The following TSPAN32 variants were observed in gnomAD, a reference collection of about 807,000 sequenced individuals.
The protein encoded by TSPAN32 is tetraspanin-32.
TSPAN32 carries 47 observed loss-of-function variants against 42.7 expected under a neutral mutation model. That is an observed-to-expected ratio of 1.10 (90% CI 0.87 to 1.40). The LOEUF (loss-of-function observed/expected upper bound fraction) is 1.40. Ranked by LOEUF, TSPAN32 falls within the 40% of genes most tolerant of loss-of-function variation. TSPAN32 has a pLI of 0.00. For missense variants in TSPAN32, 469 were observed against 424.1 expected, an observed-to-expected ratio of 1.11 and a Z score of -0.93; for synonymous variants, 175 against 175.9, an observed-to-expected ratio of 0.99 and a Z score of 0.04.
At chr11:2,303,583 T>TG (rs1241624437) in intron 2 of TSPAN32, 2 of 164,672 alleles carry the variant, frequency 1.2e-5, no homozygotes, top group African/African-American at 4.8e-5. Flanking sequence ...TGCAGCCCGG[T>TG]GGGCAGATGT....
In TSPAN32 at chr11:2,318,027, G is replaced by A. The variant is rs772548532; in HGVS notation, c.*103G>A. The A allele has an allele frequency of 3.1e-6, 2 of 642,996 alleles. No homozygotes were observed. The highest frequency in any genetic ancestry group is 5.6e-6 in the Non-Finnish European group (2 of 358,306). The allele number at this position is 642,996 out of a possible 1,614,324, so 39.8% of individuals were successfully genotyped here. On this transcript the variant is annotated 3_prime_UTR_variant, in exon 10 of 10. Coordinates refer to ENST00000182290, the MANE Select transcript of TSPAN32 (RefSeq NM_139022.3). This position sits in a 1 kb window ranked among gnomAD's most constrained non-coding sequence, Gnocchi z 4.2. ...ACAAGTCAACTCCTCATGGCTGTAG[G>A]ACTGAGGTTCCCAAGTCCTTGTCCC... is the stretch of plus-strand genomic sequence containing the variant.
At chr11:2,315,793 G>T (rs954374897) in intron 6 of TSPAN32, 1 of 1,307,526 alleles carries the variant, frequency 7.6e-7, no homozygotes, top group Non-Finnish European at 1.0e-6. Context: ...CTGGGACTGT[G>T]CGGGGACCCC....
rs569200628 is a variant in TSPAN32, at chr11:2,304,019, C to T, written c.182-88C>T. On this transcript the variant is annotated intron_variant, in intron 2 of 9. Transcript: ENST00000182290. The surrounding 1 kb of genome is among the most constrained non-coding windows in gnomAD (Gnocchi z 4.8). ...CCCAGGAGTCCCTCACGGCCCCTGA[C>T]TCCCAAGTTAGATTTCACACCCAGG... is the stretch of plus-strand genomic sequence containing the variant. The T allele has an allele frequency of 2.0e-4, 209 of 1,034,386 alleles. No individual in the cohort carries two copies. The highest frequency in any genetic ancestry group is 7.0e-4 in the Admixed American group (34 of 48,392). 64.1% of individuals were successfully genotyped at this position (1,034,386 alleles called of 1,614,324 possible).
At chr11:2,311,253 G>A (rs1420856786) in intron 4 of TSPAN32, among the ~76,000 whole-genome samples, 1 of 152,170 alleles carries the variant, frequency 6.6e-6, no homozygotes, top group African/African-American at 2.4e-5. Flanking sequence ...TGAAAGTGGG[G>A]TGCCCCTCCA....
Position 2,313,650 on chromosome 11 carries a change from G to A in TSPAN32, c.355-4G>A, listed in dbSNP as rs1848605924. 1 of 1,599,932 alleles carries A rather than the reference G, an allele frequency of 6.3e-7. No homozygotes were observed. The highest frequency in any genetic ancestry group is 1.1e-5 in the South Asian group (1 of 88,466). On this transcript the variant is annotated splice_polypyrimidine_tract_variant and splice_region_variant and intron_variant, in intron 4 of 9. Transcript: ENST00000182290. This position sits in a 1 kb window ranked among gnomAD's most constrained non-coding sequence, Gnocchi z 9.1. ...CAGGACCTCCCTGTGGTCTCTCGGT[G>A]CAGGTGGAGGACGCCATGCTGGACA...
Position 2,317,005 on chromosome 11 carries a change from G to A in TSPAN32, c.719+338G>A, listed in dbSNP as rs1308114400. Among the ~76,000 whole-genome samples the A allele has an allele frequency of 1.3e-5, 2 of 151,934 alleles. No individual in the cohort carries two copies. The highest frequency in any genetic ancestry group is 4.8e-5 in the African/African-American group (2 of 41,336). On this transcript the variant is annotated intron_variant, in intron 8 of 9. Transcript: ENST00000182290. This position sits in a 1 kb window ranked among gnomAD's most constrained non-coding sequence, Gnocchi z 6.2. ...ATACCCCAGAGCTCCTCATGCTTAG[G>A]GGGCAGGGAGGGTCCAACCCACAGC... is the stretch of plus-strand genomic sequence containing the variant.
At chr11:2,307,799 A>T (rs1037309939) in intron 3 of TSPAN32, among the ~76,000 whole-genome samples, 5 of 152,016 alleles carry the variant, frequency 3.3e-5, no homozygotes, top group Non-Finnish European at 5.9e-5. Flanking sequence ...GAGAGAGGGG[A>T]CAGTGGTTGG....
chr11:2,302,994 G>T (rs1378459507), intron 2 of TSPAN32, 36 bp downstream of exon 2: 6 of 1,576,252 alleles, frequency 3.8e-6, no homozygotes, highest in Non-Finnish European at 5.2e-6. Flanking sequence ...ATCGGGAGGG[G>T]CCTCGGGTGC....
At chr11:2,314,767 A>T (rs1589816634) in intron 6 of TSPAN32, 196 bp downstream of exon 6, 1 of 590,098 alleles carries the variant, frequency 1.7e-6, no homozygotes. Context: ...CGCCAAGCCC[A>T]TTGGGTGGCC....
chr11:2,307,841 G>A (rs1848208462), intron 3 of TSPAN32, among the ~76,000 whole-genome samples: 3 of 152,178 alleles, frequency 2.0e-5, no homozygotes, highest in African/African-American at 7.2e-5. Flanking sequence ...AGAGTATGGA[G>A]AGAAAGTGAG....
intron 6 of TSPAN32, chr11:2,315,576 T>A: frequency 1.7e-6 from 2 of 1,175,002 alleles, no homozygotes; most frequent in Non-Finnish European, 2.1e-6. Flanking sequence ...GCCACCCAGA[T>A]GGGCTGGCAT....
chr11:2,314,498 G>T lies in TSPAN32; in HGVS notation c.470G>T (p.Gly157Val). ...AAIQDVFLCC[G>V]KKSPFSRLGS... ...CTGTTCCTGTAGTTTCTGTGCTGTG[G>T]GAAGAAGTCTCCTTTCAGCCGTCTG... The change falls in exon 6 of 10, where the codon GGG (glycine) becomes GTG (valine). Residue 157 changes from glycine to valine, a missense_variant. By Grantham distance (109) the Gly-to-Val change is moderately radical (BLOSUM62 -3). Transcript: ENST00000182290. The T allele has an allele frequency of 6.2e-7, 1 of 1,612,324 alleles. No individual in the cohort carries two copies.
Position 2,317,065 on chromosome 11 carries a change from C to T in TSPAN32, c.720-279C>T, listed in dbSNP as rs952806200. 4.6e-5 allele frequency among the ~76,000 whole-genome samples: 7 copies of T among 152,076 alleles called. No individual in the cohort carries two copies. Among genetic ancestry groups the T allele is most frequent in the Admixed American group, 3.9e-4 (6 of 15,278 alleles). ...CTTCCTGCCCCCACGGAGCCTGGCC[C>T]GTCTCTGCCTGCCATGCCCATTAAC... On this transcript the variant is annotated intron_variant, in intron 8 of 9. Transcript: ENST00000182290. This position sits in a 1 kb window ranked among gnomAD's most constrained non-coding sequence, Gnocchi z 6.2.
intron 3 of TSPAN32, among the ~76,000 whole-genome samples, chr11:2,307,374 C>G (rs546918606): frequency 6.6e-6 from 1 of 152,226 alleles, no homozygotes; most frequent in Non-Finnish European, 1.5e-5. Context: ...ACCCAACCTG[C>G]TCCAGCCTGT....
intron 2 of TSPAN32, 111 bp from the exon 3 acceptor site, chr11:2,303,996 C>A: frequency 1.3e-6 from 1 of 779,674 alleles, no homozygotes; most frequent in Admixed American, 2.2e-5. Context: ...CAGAGCCCCC[C>A]AGGAGTCCCT....
intron 4 of TSPAN32, among the ~76,000 whole-genome samples, chr11:2,312,168 C>T (rs1398895697): frequency 6.6e-6 from 1 of 152,218 alleles, no homozygotes; most frequent in Non-Finnish European, 1.5e-5. Flanking sequence ...CTCAGAGGCA[C>T]CTTTGTCCTC....
At chr11:2,315,472 C>T in intron 6 of TSPAN32, 1 of 1,138,562 alleles carries the variant, frequency 8.8e-7, no homozygotes, top group Non-Finnish European at 1.1e-6. Context: ...GGAGCGAGGG[C>T]CTGCCTCGAG....
intron 4 of TSPAN32, among the ~76,000 whole-genome samples, chr11:2,310,219 A>G (rs1450389472): frequency 6.6e-6 from 1 of 152,144 alleles, no homozygotes; most frequent in East Asian, 1.9e-4. Flanking sequence ...GCTGCGGCCC[A>G]TGCCCCATGC....
rs1464952835 is a variant in TSPAN32, at chr11:2,317,166, C to T, written c.720-178C>T. On this transcript the variant is annotated intron_variant, in intron 8 of 9. Coordinates refer to ENST00000182290, the MANE Select transcript of TSPAN32 (RefSeq NM_139022.3). This position sits in a 1 kb window ranked among gnomAD's most constrained non-coding sequence, Gnocchi z 6.2. ...GCATTCTACAATAGCCTCACAGTCC[C>T]GTCTAGAACATTCTGCAACAGCCTC... 6.6e-6 allele frequency among the ~76,000 whole-genome samples: 1 copy of T among 152,148 alleles called. No individual in the cohort carries two copies. Among genetic ancestry groups the T allele is most frequent in the East Asian group, 1.9e-4 (1 of 5,188 alleles).
Sources: allele counts gnomAD v4.1 joint callset (sites outside exome capture counted in the v4.1 genomes callset), GRCh38; gene constraint gnomAD v4.1.1; non-coding constraint Gnocchi (gnomAD v3.1); transcripts MANE v1.5; gene names NCBI Gene and HGNC (gene_info 2026-07-23, HGNC 2026-07-21).